The following CNTN6 variants were observed in gnomAD, a reference collection of about 807,000 sequenced individuals.
The protein encoded by CNTN6 is contactin-6.
CNTN6 carries 137 observed loss-of-function variants against 122.8 expected under a neutral mutation model. The ratio of observed to expected loss-of-function variants is 1.12; its 90% CI spans 0.97 to 1.29. The LOEUF (loss-of-function observed/expected upper bound fraction) is 1.29. Among genes scored for constraint, CNTN6 ranks in the 50% most tolerant of loss-of-function variants. The pLI is 0.00. For synonymous variants in CNTN6, 570 were observed against 426.0 expected (o/e 1.34, Z -4.16); for missense variants, 1,634 against 1,223.4 (o/e 1.34, Z -5.01).
At chr3:1,105,772 C>G (rs946440551) in intron 1 of CNTN6, among the ~76,000 whole-genome samples, 1 of 152,102 alleles carries the variant, frequency 6.6e-6, no homozygotes, top group Non-Finnish European at 1.5e-5. Context: ...CCTCCGGCAC[C>G]TAGCATTGTC....
intron 2 of CNTN6, among the ~76,000 whole-genome samples, chr3:1,213,192 TG>T (rs776404852): frequency 6.6e-6 from 1 of 152,206 alleles, no homozygotes; most frequent in Non-Finnish European, 1.5e-5. Context: ...ACCCCCAATT[TG>T]GACTACATGA....
chr3:1,393,926 T>C (rs1694627884), intron 20 of CNTN6, among the ~76,000 whole-genome samples: 2 of 152,234 alleles, frequency 1.3e-5, no homozygotes, highest in East Asian at 3.9e-4. Flanking sequence ...TATATAAATA[T>C]ATAAAAGTGA....
chr3:1,397,618 C>G (rs978488733), intron 20 of CNTN6, among the ~76,000 whole-genome samples: 2 of 151,996 alleles, frequency 1.3e-5, no homozygotes, highest in African/African-American at 4.8e-5. Context: ...ATGTCAATTC[C>G]AAGCAGAAAA....
At chr3:1,102,711 G>C (rs547803849) in intron 1 of CNTN6, among the ~76,000 whole-genome samples, 3 of 148,852 alleles carry the variant, frequency 2.0e-5, no homozygotes, top group African/African-American at 7.3e-5. Context: ...CTGGGCGACA[G>C]GGCGAGACTC....
intron 2 of CNTN6, among the ~76,000 whole-genome samples, chr3:1,169,703 A>AT (rs2093324790): frequency 6.6e-6 from 1 of 152,174 alleles, no homozygotes. Flanking sequence ...GCCTTTAAAC[A>AT]TTTGTGCCAA....
intron 4 of CNTN6, among the ~76,000 whole-genome samples, chr3:1,244,446 TG>T (rs746149205): frequency 0.023 from 3,108 of 134,954 alleles, 327 homozygotes; most frequent in East Asian, 0.068. Context: ...GAGGGGTACT[TG>T]GCCCTGCCCC....
chr3:1,129,078 G>A lies in CNTN6; in HGVS notation c.-82-18849G>A, dbSNP rs187815465. On this transcript the variant is annotated intron_variant, in intron 1 of 22. Transcript: ENST00000446702. ...CAAGGAAGGGTGTTAGAATACTAAT[G>A]TAGCTAATGCTGTGCTTGGGAACTA... Among the ~76,000 whole-genome samples, 19 of 152,114 alleles carry A rather than the reference G, an allele frequency of 1.2e-4. No homozygotes were observed. In the East Asian group the frequency reaches 3.1e-3, roughly 25 times the overall value.
At chr3:1,237,284 AAG>A (rs1660341427) in intron 4 of CNTN6, among the ~76,000 whole-genome samples, 1 of 151,990 alleles carries the variant, frequency 6.6e-6, no homozygotes, top group Non-Finnish European at 1.5e-5. Flanking sequence ...AAGCAGAAGA[AAG>A]AACTTCAGAG....
At chr3:1,323,926 G>A (rs1701200160) in intron 8 of CNTN6, among the ~76,000 whole-genome samples, 1 of 150,574 alleles carries the variant, frequency 6.6e-6, no homozygotes, top group South Asian at 2.1e-4. Flanking sequence ...ATTGCATTAA[G>A]CATAAAATCA....
At chr3:1,218,306 G>A (rs1228748058) in intron 2 of CNTN6, among the ~76,000 whole-genome samples, 1 of 152,084 alleles carries the variant, frequency 6.6e-6, no homozygotes. Context: ...GAAGGAGGGT[G>A]GTTTCTGGGG....
At chr3:1,348,293 C>G (rs1162963145) in intron 11 of CNTN6, among the ~76,000 whole-genome samples, 1 of 151,566 alleles carries the variant, frequency 6.6e-6, no homozygotes, top group Non-Finnish European at 1.5e-5. Flanking sequence ...CTGCTAATTA[C>G]ACCATAATTG....
Position 1,107,373 on chromosome 3 carries a change from TATAG to T in CNTN6, c.-83+14257_-83+14260del, listed in dbSNP as rs568987319. Among the ~76,000 whole-genome samples, 20 of 152,254 alleles carry T rather than the reference TATAG, an allele frequency of 1.3e-4. No homozygotes were observed. In the South Asian group the frequency reaches 3.9e-3, roughly 30 times the overall value. ...AATAAATTTTAAGTTGGTTCAATTC[TATAG>T]ATAATTATGACATGACTGAATATTT... On this transcript the variant is annotated intron_variant, in intron 1 of 22. Transcript: ENST00000446702.
At chr3:1,321,029 A>G (rs77077502) in intron 7 of CNTN6, among the ~76,000 whole-genome samples, 9,440 of 151,522 alleles carry the variant, frequency 0.062, 425 homozygotes, top group Non-Finnish European at 0.084. Flanking sequence ...ATAAATGAGT[A>G]CTTTTTTTGA....
intron 11 of CNTN6, among the ~76,000 whole-genome samples, chr3:1,344,201 T>A (rs1189259714): frequency 6.6e-6 from 1 of 152,092 alleles, no homozygotes; most frequent in Non-Finnish European, 1.5e-5. Flanking sequence ...CAGGAAACAG[T>A]GCTCAGTTCT....
intron 20 of CNTN6, among the ~76,000 whole-genome samples, chr3:1,400,054 T>C (rs1695491236): frequency 6.6e-6 from 1 of 152,032 alleles, no homozygotes. Context: ...ATGTGAATCT[T>C]CCAGTGACAC....
intron 21 of CNTN6, 109 bp from the exon 22 acceptor site, chr3:1,402,209 G>C (rs1205536189): frequency 5.3e-6 from 4 of 751,854 alleles, no homozygotes; most frequent in Non-Finnish European, 8.2e-6. Context: ...CATCTGAGGA[G>C]TACAACATTT....
chr3:1,357,736 A>G (rs544940658), intron 12 of CNTN6, among the ~76,000 whole-genome samples: 8 of 151,970 alleles, frequency 5.3e-5, no homozygotes, highest in African/African-American at 1.9e-4. Context: ...CCTCCTAAAT[A>G]CCGCAGCCTT....
chr3:1,186,261 A>G (rs983607343), intron 2 of CNTN6, among the ~76,000 whole-genome samples: 2 of 152,182 alleles, frequency 1.3e-5, no homozygotes. Context: ...GTTACTTATC[A>G]TTGGAAAAGA....
At chr3:1,168,609 G>A (rs1575099690) in intron 2 of CNTN6, among the ~76,000 whole-genome samples, 1 of 151,726 alleles carries the variant, frequency 6.6e-6, no homozygotes, top group Non-Finnish European at 1.5e-5. Flanking sequence ...AGGGGCTCTG[G>A]GTGGGAAATA....
Sources: allele counts gnomAD v4.1 joint callset (sites outside exome capture counted in the v4.1 genomes callset), GRCh38; gene constraint gnomAD v4.1.1; transcripts MANE v1.5; gene names NCBI Gene and HGNC (gene_info 2026-07-23, HGNC 2026-07-21).